Variants in KCNK9 observed in about 807,000 individuals in gnomAD.
KCNK9 encodes potassium two pore domain channel subfamily K member 9.
KCNK9 carries 1 observed loss-of-function variant against 10.8 expected under a neutral mutation model. The observed-to-expected ratio is 0.09, with a 90% CI of 0.03 to 0.44. The LOEUF (loss-of-function observed/expected upper bound fraction) is 0.44. Ranked by LOEUF, KCNK9 falls within the 20% of genes least tolerant of loss-of-function variation. The pLI, the probability that KCNK9 is intolerant of heterozygous loss-of-function variation, is 0.97. For synonymous variants in KCNK9, 231 were observed against 222.7 expected, an observed-to-expected ratio of 1.04 and a Z score of -0.33; for missense variants, 303 against 515.0, an observed-to-expected ratio of 0.59 and a Z score of 3.98.
downstream of KCNK9, among the ~76,000 whole-genome samples, chr8:139,608,367 G>T (rs1433922149): frequency 6.6e-6 from 1 of 152,178 alleles, no homozygotes; most frequent in Non-Finnish European, 1.5e-5. Context: ...GCAGAACAGG[G>T]GTTTCCACCC....
intron 2 of KCNK9, chr8:139,601,699 G>A (rs536757080): frequency 1.3e-5 from 2 of 152,308 alleles, no homozygotes; most frequent in South Asian, 4.1e-4. Context: ...CCCTGAATGA[G>A]GGTGAAACTG....
intron 1 of KCNK9, among the ~76,000 whole-genome samples, chr8:139,630,082 C>T (rs1815114933): frequency 6.6e-6 from 1 of 151,684 alleles, no homozygotes; most frequent in South Asian, 2.1e-4. Flanking sequence ...TGGGGGGCGG[C>T]GCGAAAGGGT....
At position 139,617,855 on chromosome 8, in the gene KCNK9, A is replaced by G. The variant is rs1057352970; in HGVS notation, c.*403T>C. 2.0e-5 allele frequency among the ~76,000 whole-genome samples: 3 copies of G among 152,114 alleles called. No individual in the cohort carries two copies. Among genetic ancestry groups the G allele is most frequent in the Admixed American group, 1.3e-4 (2 of 15,268 alleles). On this transcript the variant is annotated 3_prime_UTR_variant, in exon 2 of 2. Coordinates refer to ENST00000520439, the MANE Select transcript of KCNK9 (RefSeq NM_001282534.2). ...TCAGAGACACCACTAAGGGTAGGCG[A>G]TTGAAGGCTGAGCGTGATGTGCAGC...
chr8:139,644,726 C>CG (rs1554622169), intron 1 of KCNK9, among the ~76,000 whole-genome samples: 14 of 147,630 alleles, frequency 9.5e-5, no homozygotes, highest in Non-Finnish European at 3.0e-5. Context: ...CCCCCCCCCC[C>CG]AGAGCCTCCC....
At chr8:139,648,653 T>C (rs1815763859) in intron 1 of KCNK9, among the ~76,000 whole-genome samples, 1 of 152,222 alleles carries the variant, frequency 6.6e-6, no homozygotes. Flanking sequence ...GCCTAGAGCC[T>C]GGTGCAAGTG....
At chr8:139,683,585 G>A (rs890233709) in intron 1 of KCNK9, among the ~76,000 whole-genome samples, 1 of 152,238 alleles carries the variant, frequency 6.6e-6, no homozygotes, top group African/African-American at 2.4e-5. Flanking sequence ...CCCAGACGGG[G>A]AAGCCAGGTC....
At position 139,638,250 on chromosome 8, in the gene KCNK9, C is replaced by T. The variant is rs1255966571; in HGVS notation, c.284-19151G>A. Among the ~76,000 whole-genome samples the T allele has an allele frequency of 2.0e-5, 3 of 152,068 alleles. No homozygotes were observed. The East Asian group carries it at 5.8e-4, about 30-fold the overall frequency. On this transcript the variant is annotated intron_variant, in intron 1 of 1. Coordinates refer to ENST00000520439, the MANE Select transcript of KCNK9 (RefSeq NM_001282534.2). ...GATAAGTTGCTCCTCACCTGTACGT[C>T]CCCGTTTATTTCATATTTACAGACA...
At chr8:139,694,173 G>A (rs1816998708) in intron 1 of KCNK9, among the ~76,000 whole-genome samples, 1 of 152,132 alleles carries the variant, frequency 6.6e-6, no homozygotes, top group Non-Finnish European at 1.5e-5. Context: ...GAAAGGGGGT[G>A]GTGGGGAAGT....
At chr8:139,660,612 C>A (rs1013637781) in intron 1 of KCNK9, among the ~76,000 whole-genome samples, 2 of 151,792 alleles carry the variant, frequency 1.3e-5, no homozygotes, top group Non-Finnish European at 2.9e-5. Context: ...CAGAGGGACA[C>A]CCTGTCTTTA....
intron 1 of KCNK9, among the ~76,000 whole-genome samples, chr8:139,630,732 G>A (rs1026310241): frequency 5.3e-5 from 8 of 152,230 alleles, no homozygotes; most frequent in African/African-American, 1.9e-4. Flanking sequence ...GGCCACACAA[G>A]CGCACTGCAC....
At chr8:139,687,980 A>G (rs1191548368) in intron 1 of KCNK9, among the ~76,000 whole-genome samples, 1 of 152,132 alleles carries the variant, frequency 6.6e-6, no homozygotes, top group African/African-American at 2.4e-5. Context: ...CTCATTCATT[A>G]TATATAGTCA....
intron 1 of KCNK9, among the ~76,000 whole-genome samples, chr8:139,691,925 G>A (rs1385965862): frequency 1.3e-5 from 2 of 152,188 alleles, no homozygotes; most frequent in Non-Finnish European, 2.9e-5. Context: ...AGTCCTGGCT[G>A]ATGAGATATA....
intron 1 of KCNK9, among the ~76,000 whole-genome samples, chr8:139,674,855 C>T (rs1292826178): frequency 6.6e-6 from 1 of 152,180 alleles, no homozygotes; most frequent in Admixed American, 6.5e-5. Context: ...GAAAGCCACA[C>T]CTAGAGGCCA....
chr8:139,684,392 C>T (rs1033500891), intron 1 of KCNK9, among the ~76,000 whole-genome samples: 1 of 152,186 alleles, frequency 6.6e-6, no homozygotes. Context: ...ATATGAAGGT[C>T]AGTATACACC....
In KCNK9 at chr8:139,618,344, A is replaced by G. The variant is rs1814663429; in HGVS notation, c.1039T>C (p.Phe347Leu). 6.2e-7 allele frequency: 1 copy of G among 1,614,028 alleles called. No individual in the cohort carries two copies. Among genetic ancestry groups the G allele is most frequent in the African/African-American group, 1.3e-5 (1 of 74,922 alleles). ...ISPSTLKNSL[F>L]PSPISSISPG... ...GAGATGGAGCTAATAGGCGATGGGAAGAGGCTGTTTTTTAATGTGCTTGGT... is the reference window on the plus strand; with the variant it reads ...GAGATGGAGCTAATAGGCGATGGGAGGAGGCTGTTTTTTAATGTGCTTGGT... The change falls in exon 2 of 2, where the codon TTC (phenylalanine) becomes CTC (leucine). Residue 347 changes from phenylalanine (F) to leucine (L), a missense_variant. Phe to Leu is a conservative substitution (Grantham distance 22, BLOSUM62 0). Coordinates refer to ENST00000520439, the MANE Select transcript of KCNK9 (RefSeq NM_001282534.2). The surrounding 1 kb of genome is among the most constrained non-coding windows in gnomAD (Gnocchi z 7.9).
chr8:139,670,712 T>G (rs1336145292), intron 1 of KCNK9, among the ~76,000 whole-genome samples: 8 of 152,228 alleles, frequency 5.3e-5, no homozygotes, highest in Admixed American at 5.2e-4. Flanking sequence ...GAGCCATTGA[T>G]TTTGGAGGGC....
At chr8:139,650,399 C>T (rs1178988467) in intron 1 of KCNK9, among the ~76,000 whole-genome samples, 3 of 152,182 alleles carry the variant, frequency 2.0e-5, no homozygotes, top group African/African-American at 4.8e-5. Context: ...TAAGCACCTA[C>T]TATGATTATG....
chr8:139,630,393 C>A (rs1180334074), intron 1 of KCNK9, among the ~76,000 whole-genome samples: 1 of 152,092 alleles, frequency 6.6e-6, no homozygotes, highest in African/African-American at 2.4e-5. Context: ...TGGGCTCTGC[C>A]GCCGCCGCCG....
At chr8:139,632,467 C>G (rs1292687218) in intron 1 of KCNK9, among the ~76,000 whole-genome samples, 1 of 152,206 alleles carries the variant, frequency 6.6e-6, no homozygotes, top group Non-Finnish European at 1.5e-5. Context: ...CTAGCAGAGA[C>G]AGACAGTGTC....
Sources: allele counts gnomAD v4.1 joint callset (sites outside exome capture counted in the v4.1 genomes callset), GRCh38; gene constraint gnomAD v4.1.1; non-coding constraint Gnocchi (gnomAD v3.1); transcripts MANE v1.5; gene names NCBI Gene and HGNC (gene_info 2026-07-23, HGNC 2026-07-21).